The following NCAM2 variants were observed in gnomAD, a reference collection of about 807,000 sequenced individuals.
NCAM2 encodes the protein N-CAM-2.
In NCAM2, 30 loss-of-function variants were observed where a neutral mutation model predicts 98.1. That is an observed-to-expected ratio of 0.31 (90% CI 0.23 to 0.41). The LOEUF (loss-of-function observed/expected upper bound fraction) is 0.41, where lower values mean the gene tolerates loss of function less well. NCAM2 is among the 10% of genes least tolerant of loss of function. The pLI, the probability that NCAM2 is intolerant of heterozygous loss-of-function variation, is 1.00. For synonymous variants in NCAM2, 368 were observed against 342.4 expected (o/e 1.07, Z -0.83); for missense variants, 867 against 1,005.8 (o/e 0.86, Z 1.87).
At chr21:21,137,072 C>T (rs896441369) in intron 1 of NCAM2, among the ~76,000 whole-genome samples, 1 of 152,054 alleles carries the variant, frequency 6.6e-6, no homozygotes, top group Non-Finnish European at 1.5e-5. Flanking sequence ...TCAGGGACTC[C>T]TGGCCTCAAG....
In NCAM2 at chr21:21,415,390, T is replaced by C. The variant is rs376128484; in HGVS notation, c.1384-3083T>C. Among the ~76,000 whole-genome samples, 6 of 143,592 alleles carry C rather than the reference T, an allele frequency of 4.2e-5. No homozygotes were observed. In the South Asian group the frequency reaches 1.1e-3, roughly 27 times the overall value. 94.2% of individuals were successfully genotyped at this position (143,592 alleles called of 152,430 possible). The stretch of plus-strand genomic sequence containing the variant: ...GTCTTGCTCTGTCGCCCAGGCTGTG[T>C]AGTGGCGCGATCTCGGCTCAGTGCA... On this transcript the variant is annotated intron_variant, in intron 10 of 17. Coordinates refer to ENST00000400546, the MANE Select transcript of NCAM2 (RefSeq NM_004540.5).
Position 21,140,003 on chromosome 21 carries a change from G to A in NCAM2, c.56-140575G>A, listed in dbSNP as rs73332398. Among the ~76,000 whole-genome samples the A allele has an allele frequency of 9.7e-3, 1,477 of 152,240 alleles. 25 individuals carry two copies. The highest frequency in any genetic ancestry group is 0.034 in the African/African-American group (1,412 of 41,546). ...TAATTTGCTCACTAATGATGATGGTGTCTCCAAGAATTTAGGACATCAAAT... is the reference window on the plus strand; with the variant it reads ...TAATTTGCTCACTAATGATGATGGTATCTCCAAGAATTTAGGACATCAAAT... On this transcript the variant is annotated intron_variant, in intron 1 of 17. Transcript: ENST00000400546.
intron 11 of NCAM2, among the ~76,000 whole-genome samples, chr21:21,426,304 T>G (rs747441289): frequency 6.6e-6 from 1 of 152,140 alleles, no homozygotes; most frequent in African/African-American, 2.4e-5. Flanking sequence ...AGCATAGAAG[T>G]CCTTGAGTTG....
At chr21:21,380,361 T>G (rs2076127187) in intron 9 of NCAM2, among the ~76,000 whole-genome samples, 1 of 152,206 alleles carries the variant, frequency 6.6e-6, no homozygotes, top group African/African-American at 2.4e-5. Flanking sequence ...ATGAGACACA[T>G]AAACATTTAT....
intron 12 of NCAM2, among the ~76,000 whole-genome samples, chr21:21,437,243 T>C (rs1298126556): frequency 4.6e-5 from 7 of 152,058 alleles, no homozygotes; most frequent in Non-Finnish European, 8.8e-5. Context: ...GTTTTTAAGG[T>C]ACACAACTCT....
chr21:21,006,354 A>G (rs1000887055), intron 1 of NCAM2, among the ~76,000 whole-genome samples: 20 of 152,214 alleles, frequency 1.3e-4, no homozygotes, highest in African/African-American at 4.8e-4. Context: ...CAAAAATACA[A>G]AAATTAGCTG....
At chr21:21,303,699 A>T (rs1260531421) in intron 5 of NCAM2, among the ~76,000 whole-genome samples, 1 of 152,092 alleles carries the variant, frequency 6.6e-6, no homozygotes, top group Non-Finnish European at 1.5e-5. Context: ...AAAGTTTTCC[A>T]AAGTGATTGT....
chr21:21,031,962 C>T (rs149891350), intron 1 of NCAM2, among the ~76,000 whole-genome samples: 1 of 152,212 alleles, frequency 6.6e-6, no homozygotes, highest in East Asian at 1.9e-4. Context: ...GAGATCTTAA[C>T]AGGGAGCATG....
intron 1 of NCAM2, among the ~76,000 whole-genome samples, chr21:21,043,143 A>G (rs1253899951): frequency 6.6e-6 from 1 of 152,220 alleles, no homozygotes; most frequent in Non-Finnish European, 1.5e-5. Context: ...GGAACTGCTT[A>G]TTCCTTTAGT....
intron 9 of NCAM2, among the ~76,000 whole-genome samples, chr21:21,409,768 A>T (rs1329867593): frequency 6.6e-6 from 1 of 152,228 alleles, no homozygotes; most frequent in East Asian, 1.9e-4. Flanking sequence ...ATGTGATAAA[A>T]GTATTCAAAT....
At chr21:21,347,121 T>G (rs914131854) in intron 8 of NCAM2, among the ~76,000 whole-genome samples, 3 of 151,892 alleles carry the variant, frequency 2.0e-5, no homozygotes, top group African/African-American at 7.2e-5. Flanking sequence ...TTACAAAGCT[T>G]TAGACAGACT....
chr21:21,190,077 C>T (rs1298148595), intron 1 of NCAM2, among the ~76,000 whole-genome samples: 1 of 152,084 alleles, frequency 6.6e-6, no homozygotes. Flanking sequence ...TTTACATTGA[C>T]CAAATTTGGA....
chr21:21,059,339 G>A (rs1176125762), intron 1 of NCAM2, among the ~76,000 whole-genome samples: 3 of 151,998 alleles, frequency 2.0e-5, no homozygotes, highest in East Asian at 1.9e-4. Context: ...ATTGAGAGAG[G>A]GTATTGGAAG....
At chr21:21,448,153 A>T (rs542499546) in intron 12 of NCAM2, among the ~76,000 whole-genome samples, 1 of 152,300 alleles carries the variant, frequency 6.6e-6, no homozygotes, top group East Asian at 1.9e-4. Flanking sequence ...CCAAATGCCC[A>T]TCAATGATAG....
Position 21,385,571 on chromosome 21 carries a change from CT to C in NCAM2, c.1195+11565del, listed in dbSNP as rs373545262. 1.7e-4 allele frequency: 193 copies of C among 1,158,982 alleles called. No individual in the cohort carries two copies. In the East Asian group the frequency reaches 7.0e-3, roughly 42 times the overall value. The allele number at this position is 1,158,982 out of a possible 1,614,324, so 71.8% of individuals were successfully genotyped here. A position where few individuals can be genotyped will look rare whatever the true frequency, so the allele number is the denominator to read the frequency against. On this transcript the variant is annotated intron_variant, in intron 9 of 17. Transcript: ENST00000400546. ...AACTTAAGGTGTTAGAAAATTAAGC[CT>C]TTTTTTGCTCAAAACCTCTTTTGTG...
rs73894699 is a variant in NCAM2, at chr21:21,452,352, G to A, written c.1655-14254G>A. Among the ~76,000 whole-genome samples, 722 of 149,124 alleles carry A rather than the reference G, an allele frequency of 4.8e-3. 6 individuals carry two copies. The highest frequency in any genetic ancestry group is 0.017 in the African/African-American group (690 of 40,620). ...CATTTAATTTAACAAAAACTGAAAA[G>A]CACCTACTATGTTTAGGGAGATTTT... is the stretch of plus-strand genomic sequence containing the variant. On this transcript the variant is annotated intron_variant, in intron 12 of 17. Transcript: ENST00000400546.
At chr21:21,082,414 GTGGCATT>G (rs1334238736) in intron 1 of NCAM2, among the ~76,000 whole-genome samples, 2 of 151,748 alleles carry the variant, frequency 1.3e-5, no homozygotes, top group Admixed American at 6.6e-5. Context: ...ATTGCCATAG[GTGGCATT>G]TGCCTTAAGT....
intron 16 of NCAM2, among the ~76,000 whole-genome samples, chr21:21,523,048 T>C (rs1989119925): frequency 6.6e-6 from 1 of 151,848 alleles, no homozygotes; most frequent in Non-Finnish European, 1.5e-5. Flanking sequence ...GTTTGTTGTT[T>C]TGCTATTGAA....
intron 1 of NCAM2, among the ~76,000 whole-genome samples, chr21:21,121,339 T>C (rs1601423401): frequency 6.6e-6 from 1 of 152,214 alleles, no homozygotes; most frequent in East Asian, 1.9e-4. Flanking sequence ...AATAAGACAG[T>C]ACCATAATCT....
Sources: allele counts gnomAD v4.1 joint callset (sites outside exome capture counted in the v4.1 genomes callset), GRCh38; gene constraint gnomAD v4.1.1; transcripts MANE v1.5; gene names NCBI Gene and HGNC (gene_info 2026-07-23, HGNC 2026-07-21).